SDK1: variants seen among roughly 807,000 people sequenced by gnomAD.
The protein encoded by SDK1 is protein sidekick-1.
A neutral mutation model predicts 245.5 loss-of-function variants in SDK1; 157 were observed. The observed-to-expected ratio is 0.64, with a 90% CI of 0.56 to 0.73. The LOEUF (loss-of-function observed/expected upper bound fraction) is 0.73. SDK1 is among the 30% of genes least tolerant of loss of function. The pLI, the probability that SDK1 is intolerant of heterozygous loss-of-function variation, is 0.00. For synonymous variants in SDK1, 1,647 were observed against 1,278.5 expected (o/e 1.29, Z -6.15); for missense variants, 3,583 against 3,002.3 (o/e 1.19, Z -4.52).
At chr7:3,420,087 A>G (rs1412167103) in intron 1 of SDK1, among the ~76,000 whole-genome samples, 2 of 152,214 alleles carry the variant, frequency 1.3e-5, no homozygotes, top group African/African-American at 4.8e-5. Flanking sequence ...AGAGCTTTCC[A>G]TACTTCTGTG....
chr7:3,307,173 TTTTA>T (rs1375313813), intron 1 of SDK1, among the ~76,000 whole-genome samples: 3 of 152,206 alleles, frequency 2.0e-5, no homozygotes, highest in Non-Finnish European at 2.9e-5. Context: ...GTTTCTAAAA[TTTTA>T]TTTGACTTCA....
At chr7:3,525,703 G>A (rs556460585) in intron 1 of SDK1, among the ~76,000 whole-genome samples, 1 of 152,060 alleles carries the variant, frequency 6.6e-6, no homozygotes, top group Admixed American at 6.6e-5. Context: ...CAAATTTAGA[G>A]TTGATTTTCC....
At chr7:3,995,341 A>C (rs1784622379) in intron 14 of SDK1, among the ~76,000 whole-genome samples, 1 of 152,018 alleles carries the variant, frequency 6.6e-6, no homozygotes, top group African/African-American at 2.4e-5. Context: ...TCAAGGTGCT[A>C]CCCCATCTCC....
chr7:3,321,201 A>T (rs1204400248), intron 1 of SDK1, among the ~76,000 whole-genome samples: 1 of 152,234 alleles, frequency 6.6e-6, no homozygotes, highest in South Asian at 2.1e-4. Context: ...AAGCAAGATG[A>T]TACTATAGAA....
intron 1 of SDK1, among the ~76,000 whole-genome samples, chr7:3,405,464 A>AT (rs1779026035): frequency 6.6e-6 from 1 of 152,162 alleles, no homozygotes; most frequent in Non-Finnish European, 1.5e-5. Context: ...ATGCCACAAA[A>AT]TTTGAATGTA....
At chr7:3,466,155 C>A (rs186470711) in intron 1 of SDK1, among the ~76,000 whole-genome samples, 5 of 151,762 alleles carry the variant, frequency 3.3e-5, no homozygotes, top group Admixed American at 2.6e-4. Flanking sequence ...TGACCGAGCA[C>A]CTGAAAACCC....
chr7:3,984,057 A>T (rs919100632), intron 13 of SDK1, among the ~76,000 whole-genome samples: 6 of 151,976 alleles, frequency 3.9e-5, no homozygotes, highest in Non-Finnish European at 7.4e-5. Context: ...ACATCCCTCA[A>T]TCTCAGGCTG....
At chr7:3,461,692 G>C (rs1012250071) in intron 1 of SDK1, among the ~76,000 whole-genome samples, 5 of 152,054 alleles carry the variant, frequency 3.3e-5, no homozygotes, top group Non-Finnish European at 7.4e-5. Flanking sequence ...TTCAACAGAT[G>C]ACATCACCTT....
chr7:3,820,232 C>G (rs1002779680), intron 4 of SDK1, among the ~76,000 whole-genome samples: 1 of 152,170 alleles, frequency 6.6e-6, no homozygotes, highest in African/African-American at 2.4e-5. Context: ...TCACTTCAGC[C>G]TCCGCCTCCC....
chr7:3,346,174 G>C (rs1351719805), intron 1 of SDK1, among the ~76,000 whole-genome samples: 4 of 152,102 alleles, frequency 2.6e-5, no homozygotes, highest in African/African-American at 9.7e-5. Flanking sequence ...TCAGACTCCT[G>C]TGCATGCACA....
At chr7:4,260,465 T>G (rs111841336) in intron 44 of SDK1, among the ~76,000 whole-genome samples, 23 of 129,572 alleles carry the variant, frequency 1.8e-4, no homozygotes, top group Non-Finnish European at 1.8e-4. Context: ...CCGGGGTCTC[T>G]GTGTGTGTGG....
At chr7:3,815,742 G>T (rs1261488685) in intron 4 of SDK1, among the ~76,000 whole-genome samples, 1 of 151,674 alleles carries the variant, frequency 6.6e-6, no homozygotes, top group Non-Finnish European at 1.5e-5. Context: ...GCACCAAGCG[G>T]ACCTAATAGA....
chr7:4,113,449 G>A lies in SDK1; in HGVS notation c.3585+10G>A, dbSNP rs1325020378. On this transcript the variant is annotated intron_variant, in intron 24 of 44. Coordinates refer to ENST00000404826, the MANE Select transcript of SDK1 (RefSeq NM_152744.4). ...GCGGCTTCGCTGGGTGGTGAGTGGG[G>A]GTGAGAAGGGAGGCTGGAGGCACAC... The A allele has an allele frequency of 6.2e-7, 1 of 1,613,214 alleles. No homozygotes were observed. The highest frequency in any genetic ancestry group is 1.7e-5 in the Admixed American group (1 of 60,004).
At chr7:3,521,162 T>A (rs1782923574) in intron 1 of SDK1, among the ~76,000 whole-genome samples, 1 of 152,118 alleles carries the variant, frequency 6.6e-6, no homozygotes, top group Non-Finnish European at 1.5e-5. Flanking sequence ...GCTGCTCACA[T>A]CCCTTCGTGT....
At chr7:3,767,227 C>T (rs1413820982) in intron 4 of SDK1, among the ~76,000 whole-genome samples, 3 of 152,072 alleles carry the variant, frequency 2.0e-5, no homozygotes, top group African/African-American at 7.2e-5. Flanking sequence ...CAGGTAGAGT[C>T]AGAAGACCAC....
intron 4 of SDK1, among the ~76,000 whole-genome samples, chr7:3,657,773 A>G (rs6462212): frequency 0.37 from 56,755 of 151,970 alleles, 11,775 homozygotes; most frequent in African/African-American, 0.55. Context: ...CTGCGAGACT[A>G]CTCTAAATCT....
chr7:3,940,732 A>T (rs1258450905), intron 5 of SDK1, among the ~76,000 whole-genome samples: 1 of 152,110 alleles, frequency 6.6e-6, no homozygotes, highest in Non-Finnish European at 1.5e-5. Flanking sequence ...GAGGCAGAAG[A>T]ATCACTTGAA....
At chr7:3,515,352 C>T (rs555370084) in intron 1 of SDK1, among the ~76,000 whole-genome samples, 1 of 152,250 alleles carries the variant, frequency 6.6e-6, no homozygotes, top group South Asian at 2.1e-4. Context: ...ACCAGCAAGA[C>T]TTGGGAGGGC....
At chr7:3,693,174 A>G (rs1172789231) in intron 4 of SDK1, among the ~76,000 whole-genome samples, 1 of 152,100 alleles carries the variant, frequency 6.6e-6, no homozygotes, top group Non-Finnish European at 1.5e-5. Flanking sequence ...TTGTATACTC[A>G]TTTATAATGC....
Sources: allele counts gnomAD v4.1 joint callset (sites outside exome capture counted in the v4.1 genomes callset), GRCh38; gene constraint gnomAD v4.1.1; transcripts MANE v1.5; gene names NCBI Gene and HGNC (gene_info 2026-07-23, HGNC 2026-07-21).